UAP1: variants seen among roughly 807,000 people sequenced by gnomAD.
The protein encoded by UAP1 is UDP-N-acetylglucosamine pyrophosphorylase 1.
A neutral mutation model predicts 58.5 loss-of-function variants in UAP1; 25 were observed. That is an observed-to-expected ratio of 0.43 (90% CI 0.31 to 0.60). The LOEUF is 0.60. UAP1 is among the 20% of genes least tolerant of loss of function. The probability of loss-of-function intolerance (pLI) is 0.11; values close to 1 mark genes in which losing one functional copy is unlikely to be tolerated. For synonymous variants in UAP1, 208 were observed against 213.0 expected (o/e 0.98, Z 0.21); for missense variants, 575 against 630.0 (o/e 0.91, Z 0.93).
Position 162,566,170 on chromosome 1 carries a change from T to G in UAP1, c.102T>G (p.Tyr34Ter), listed in dbSNP as rs1276014420. 1 of 1,614,124 alleles carries G rather than the reference T, an allele frequency of 6.2e-7. No homozygotes were observed. The highest frequency in any genetic ancestry group is 1.7e-5 in the Admixed American group (1 of 60,018). ...AAGAAGCCCAACAGGTAGAACTTTATGCAGAGCTCCAGGCCATGAACTTTG... is the reference window on the plus strand; with the variant it reads ...AAGAAGCCCAACAGGTAGAACTTTAGGCAGAGCTCCAGGCCATGAACTTTG... Residue 34 changes from tyrosine (Y) to a stop codon, truncating the protein, a stop_gained, in exon 2 of 11, where the codon TAT becomes TAG. Transcript: ENST00000271469. LOFTEE classifies it high-confidence loss of function.
At chr1:162,598,891 C>T (rs1475950662) in intron 10 of UAP1, among the ~76,000 whole-genome samples, 5 of 151,980 alleles carry the variant, frequency 3.3e-5, no homozygotes, top group Admixed American at 1.3e-4. Context: ...TGGCAGGCGC[C>T]TGTAGTTCCA....
chr1:162,596,073 G>A (rs1012894975), intron 9 of UAP1, among the ~76,000 whole-genome samples: 1 of 150,972 alleles, frequency 6.6e-6, no homozygotes, highest in East Asian at 2.0e-4. Flanking sequence ...GGCTGGTCTC[G>A]AATTCCTGAC....
intron 9 of UAP1, among the ~76,000 whole-genome samples, chr1:162,595,431 A>G (rs12040754): frequency 0.22 from 32,974 of 151,328 alleles, 3,815 homozygotes; most frequent in Middle Eastern, 0.3. Flanking sequence ...CGGCATGCCT[A>G]CTCAAGATTC....
At chr1:162,562,830 CT>C (rs1375035495) in intron 1 of UAP1, among the ~76,000 whole-genome samples, 2 of 152,078 alleles carry the variant, frequency 1.3e-5, no homozygotes, top group Non-Finnish European at 2.9e-5. Flanking sequence ...TTTTCAAAAG[CT>C]TTAAGAGGTT....
At position 162,577,434 on chromosome 1, in the gene UAP1, C is replaced by CTTTTTTTT. The variant is rs1557970274; in HGVS notation, c.485+453_485+454insTTTTTTTT. 7.6e-4 allele frequency among the ~76,000 whole-genome samples: 105 copies of CTTTTTTTT among 138,212 alleles called. 1 individual carries two copies. The highest frequency in any genetic ancestry group is 2.8e-3 in the African/African-American group (98 of 34,836). 90.7% of individuals were successfully genotyped at this position (138,212 alleles called of 152,430 possible). The stretch of plus-strand genomic sequence containing the variant: ...CACCTTGGTCAGTGTTAGTTCCTTC[C>CTTTTTTTT]CTTTTTTTTTTTTTTTTTTTTTTTT... On this transcript the variant is annotated intron_variant, in intron 3 of 10. Coordinates refer to ENST00000271469, the Ensembl canonical transcript of UAP1.
At chr1:162,572,341 A>G (rs919297858) in intron 2 of UAP1, among the ~76,000 whole-genome samples, 1 of 152,220 alleles carries the variant, frequency 6.6e-6, no homozygotes, top group Non-Finnish European at 1.5e-5. Flanking sequence ...GAACCCATCT[A>G]AGGAAGAGAA....
At chr1:162,587,876 C>T (rs1424375569) in intron 6 of UAP1, 7 of 483,016 alleles carry the variant, frequency 1.4e-5, no homozygotes, top group East Asian at 3.2e-5. Flanking sequence ...CATTCCCCAG[C>T]GCATTAATGG....
intron 7 of UAP1, among the ~76,000 whole-genome samples, chr1:162,589,491 A>G (rs1170386185): frequency 2.0e-5 from 3 of 150,608 alleles, no homozygotes; most frequent in South Asian, 2.1e-4. Flanking sequence ...TTTATTTTGG[A>G]TGAGAAACTG....
exon 2 of UAP1, chr1:162,566,142 T>C (rs1402637130): frequency 6.2e-7 from 1 of 1,613,680 alleles, no homozygotes; most frequent in South Asian, 1.1e-5. Flanking sequence ...TGGAATGAGC[T>C]TGAAGAAGCC....
chr1:162,576,998 T>C lies in UAP1; in HGVS notation c.485+17T>C. The C allele has an allele frequency of 1.9e-6, 3 of 1,608,568 alleles. No individual in the cohort carries two copies. The highest frequency in any genetic ancestry group is 1.7e-4 in the Middle Eastern group (1 of 5,988). On this transcript the variant is annotated intron_variant, in intron 3 of 10. Coordinates refer to ENST00000271469, the Ensembl canonical transcript of UAP1. ...TATTCCATGGTAAGATACGTCTCAT[T>C]ATTGGAGTGTGTCTGAACATATATT...
chr1:162,580,561 T>A (rs891070007), intron 4 of UAP1, among the ~76,000 whole-genome samples: 1 of 152,254 alleles, frequency 6.6e-6, no homozygotes, highest in Non-Finnish European at 1.5e-5. Context: ...TTTATGAGAA[T>A]CTGTACTTGG....
chr1:162,576,747 G>GT (rs1557969605), intron 2 of UAP1, 30 bp from the exon 3 acceptor site: 2 of 1,597,156 alleles, frequency 1.3e-6, no homozygotes, highest in South Asian at 2.2e-5. Context: ...AATTGTAGAG[G>GT]TTTTGTGATA....
Position 162,561,718 on chromosome 1 carries a change from C to G in UAP1, c.-117C>G, listed in dbSNP as rs1571043157. ...TATATTCGGAGCGAGCGCGGGACGCCGATGAGTGGCCGCGCGGAAGGAGCT... is the reference window on the plus strand; with the variant it reads ...TATATTCGGAGCGAGCGCGGGACGCGGATGAGTGGCCGCGCGGAAGGAGCT... On this transcript the variant is annotated 5_prime_UTR_variant, in exon 1 of 11. Transcript: ENST00000271469. 6.6e-6 allele frequency: 1 copy of G among 152,414 alleles called. No homozygotes were observed. The highest frequency in any genetic ancestry group is 1.5e-5 in the Non-Finnish European group (1 of 68,092). 9.4% of individuals were successfully genotyped at this position (152,414 alleles called of 1,614,324 possible). A position where few individuals can be genotyped will look rare whatever the true frequency, so the allele number is the denominator to read the frequency against.
exon 2 of UAP1, chr1:162,566,342 A>G: frequency 3.1e-6 from 5 of 1,613,162 alleles, no homozygotes; most frequent in South Asian, 1.1e-5. Context: ...GGCCTGGGAA[A>G]GTGAAGGTAC....
At chr1:162,564,685 C>G (rs1435414804) in intron 1 of UAP1, among the ~76,000 whole-genome samples, 4 of 152,142 alleles carry the variant, frequency 2.6e-5, no homozygotes, top group African/African-American at 9.7e-5. Context: ...TAACACTGCC[C>G]TGTTTGAGAA....
downstream of UAP1, among the ~76,000 whole-genome samples, chr1:162,601,207 AAAT>A (rs1571104410): frequency 6.6e-6 from 1 of 152,334 alleles, no homozygotes; most frequent in East Asian, 1.9e-4. Context: ...ATGTTTATGA[AAAT>A]AAAAGCTAGA....
chr1:162,575,670 C>T (rs2101763987), intron 2 of UAP1, among the ~76,000 whole-genome samples: 1 of 148,784 alleles, frequency 6.7e-6, no homozygotes, highest in East Asian at 2.0e-4. Flanking sequence ...CTCCTGGCTT[C>T]ATGTGATCTG....
At chr1:162,597,322 A>C (rs1456258817) in intron 9 of UAP1, 2 of 152,526 alleles carry the variant, frequency 1.3e-5, no homozygotes, top group African/African-American at 4.8e-5. Flanking sequence ...AGCCCTGTGC[A>C]GCTATTGGCT....
intron 10 of UAP1, 26 bp from the exon 11 acceptor site, chr1:162,599,245 G>A (rs1368171627): frequency 2.6e-6 from 4 of 1,539,878 alleles, no homozygotes; most frequent in South Asian, 1.1e-5. Context: ...TTTTCTAATT[G>A]TGTTTCATTT....
Sources: gnomAD v4.1 joint callset for allele counts (sites outside exome capture counted in the v4.1 genomes callset) on GRCh38, gnomAD v4.1.1 for gene constraint, MANE v1.5 for transcripts, NCBI Gene and HGNC (gene_info 2026-07-23, HGNC 2026-07-21) for gene names.